The following ERCC8 variants were observed in gnomAD, a reference collection of about 807,000 sequenced individuals.
The protein encoded by ERCC8 is ERCC excision repair 8, CSA ubiquitin ligase complex subunit.
ERCC8 carries 52 observed loss-of-function variants against 54.9 expected under a neutral mutation model. The observed-to-expected ratio is 0.95, with a 90% confidence interval of 0.76 to 1.19. The LOEUF (loss-of-function observed/expected upper bound fraction) is 1.19. Ranked by LOEUF, ERCC8 falls within the 50% of genes most tolerant of loss-of-function variation. The pLI is 0.00. For missense variants in ERCC8, 514 were observed against 466.1 expected (o/e 1.10, Z -0.95); for synonymous variants, 146 against 157.2 (o/e 0.93, Z 0.53).
intron 1 of ERCC8, among the ~76,000 whole-genome samples, chr5:60,930,416 G>A (rs1014913327): frequency 1.3e-5 from 2 of 152,084 alleles, no homozygotes; most frequent in Non-Finnish European, 2.9e-5. Context: ...AATTAGCTGG[G>A]CGTGGTGGCC....
intron 1 of ERCC8, among the ~76,000 whole-genome samples, chr5:60,934,578 T>C (rs1268407596): frequency 6.6e-6 from 1 of 152,186 alleles, no homozygotes; most frequent in African/African-American, 2.4e-5. Context: ...TTAAGACCTA[T>C]CTATTTATCT....
chr5:60,942,994 T>A (rs1370354718), intron 1 of ERCC8, among the ~76,000 whole-genome samples: 1 of 152,144 alleles, frequency 6.6e-6, no homozygotes, highest in East Asian at 1.9e-4. Flanking sequence ...AATTTTAGGC[T>A]GTGTGGTAGC....
chr5:60,897,856 G>A (rs1408788840), intron 9 of ERCC8, among the ~76,000 whole-genome samples: 1 of 152,112 alleles, frequency 6.6e-6, no homozygotes, highest in Non-Finnish European at 1.5e-5. Context: ...GTTCCAATGA[G>A]CACTTCCTTT....
intron 6 of ERCC8, 73 bp from the exon 7 acceptor site, chr5:60,902,581 C>G: frequency 7.6e-7 from 1 of 1,313,156 alleles, no homozygotes; most frequent in Non-Finnish European, 1.1e-6. Context: ...AATAATTTTG[C>G]CTGATTCTGA....
At chr5:60,943,389 T>C (rs751133811) in intron 1 of ERCC8, among the ~76,000 whole-genome samples, 3 of 152,222 alleles carry the variant, frequency 2.0e-5, no homozygotes, top group Non-Finnish European at 4.4e-5. Flanking sequence ...CCGTGAGAAA[T>C]AGCATAAAAG....
intron 11 of ERCC8, among the ~76,000 whole-genome samples, chr5:60,884,535 T>G (rs866652851): frequency 4.5e-4 from 67 of 149,900 alleles, no homozygotes; most frequent in Middle Eastern, 3.4e-3. Flanking sequence ...TTTTTTTTTT[T>G]TTGTTTTCTA....
chr5:60,877,967 C>T (rs941564494), intron 11 of ERCC8, among the ~76,000 whole-genome samples: 3 of 152,286 alleles, frequency 2.0e-5, no homozygotes, highest in African/African-American at 7.2e-5. Flanking sequence ...AAAGGGAATG[C>T]TTCCAGTTTT....
At chr5:60,880,770 T>C (rs1402290303) in intron 11 of ERCC8, among the ~76,000 whole-genome samples, 1 of 151,988 alleles carries the variant, frequency 6.6e-6, no homozygotes, top group Non-Finnish European at 1.5e-5. Context: ...ATTTGTCTAA[T>C]TTTTTTTCAA....
Position 60,890,833 on chromosome 5 carries a change from T to A in ERCC8, c.1041+56A>T, listed in dbSNP as rs1748523023. 1.4e-5 allele frequency: 18 copies of A among 1,245,010 alleles called. No individual in the cohort carries two copies. In the South Asian group the frequency reaches 1.9e-4, roughly 13 times the overall value. 77.1% of individuals were successfully genotyped at this position (1,245,010 alleles called of 1,614,324 possible). On this transcript the variant is annotated intron_variant, in intron 10 of 11. Coordinates refer to ENST00000676185, the MANE Select transcript of ERCC8 (RefSeq NM_000082.4). The stretch of plus-strand genomic sequence containing the variant: ...AAATCATAATTTATTCTTTTACATA[T>A]AACTGGTCTGGCAAGCTAGCTAGCT...
At chr5:60,887,568 C>A in intron 10 of ERCC8, 48 bp from the exon 11 acceptor site, 1 of 1,303,608 alleles carries the variant, frequency 7.7e-7, no homozygotes, top group Non-Finnish European at 1.1e-6. Context: ...GAGCTGATAT[C>A]AAACTGAAAT....
At chr5:60,905,003 G>A (rs1749029636) in intron 4 of ERCC8, 130 bp from the exon 5 acceptor site, 2 of 502,816 alleles carry the variant, frequency 4.0e-6, no homozygotes, top group South Asian at 2.7e-5. Context: ...CTTAAACATA[G>A]GAATGTAATA....
intron 10 of ERCC8, among the ~76,000 whole-genome samples, chr5:60,889,354 C>T (rs1365495531): frequency 2.6e-5 from 4 of 151,920 alleles, no homozygotes; most frequent in African/African-American, 9.7e-5. Context: ...ATTCTGTTGC[C>T]CATGTTGGAG....
chr5:60,937,656 C>T (rs1750107261), intron 1 of ERCC8, among the ~76,000 whole-genome samples: 1 of 152,152 alleles, frequency 6.6e-6, no homozygotes, highest in Admixed American at 6.5e-5. Context: ...CACTGCGCCC[C>T]TACAACAGCT....
At position 60,918,327 on chromosome 5, in the gene ERCC8, C is replaced by T. The variant is rs1344346880; in HGVS notation, c.337G>A (p.Gly113Ser). 1.9e-6 allele frequency: 3 copies of T among 1,595,962 alleles called. No individual in the cohort carries two copies. Among genetic ancestry groups the T allele is most frequent in the South Asian group, 2.2e-5 (2 of 90,724 alleles). The change falls in exon 4 of 12, where the codon GGC (glycine) becomes AGC (serine). Residue 113 changes from glycine to serine, a missense_variant. Coordinates refer to ENST00000676185, the MANE Select transcript of ERCC8 (RefSeq NM_000082.4). ...TCAAATGAGCTTGATGTGAACATGC[C>T]AGTGTCATGAGGATACCACTGTACA... ...ETVQWYPHDT[G>S]MFTSSSFDKT...
In ERCC8 at chr5:60,914,838, G is replaced by A. The variant is rs573514277; in HGVS notation, c.399+3427C>T. ...TATTGACTTTTATTTCAAAATGTTCGTATCTATTGAGATGACTAATATGTA... is the reference window on the plus strand; with the variant it reads ...TATTGACTTTTATTTCAAAATGTTCATATCTATTGAGATGACTAATATGTA... On this transcript the variant is annotated intron_variant, in intron 4 of 11. Transcript: ENST00000676185. Among the ~76,000 whole-genome samples the A allele has an allele frequency of 2.3e-4, 34 of 145,682 alleles. No homozygotes were observed. The South Asian group carries it at 5.3e-3, about 23-fold the overall frequency.
chr5:60,904,429 C>T (rs1378317248), intron 5 of ERCC8, among the ~76,000 whole-genome samples: 1 of 151,182 alleles, frequency 6.6e-6, no homozygotes, highest in Non-Finnish European at 1.5e-5. Context: ...GAAAGAATTT[C>T]CTTGTTTTAT....
Position 60,930,352 on chromosome 5 carries a change from A to T in ERCC8, c.78-1393T>A, listed in dbSNP as rs533385049. Among the ~76,000 whole-genome samples, 68 of 152,228 alleles carry T rather than the reference A, an allele frequency of 4.5e-4. No individual in the cohort carries two copies. In the South Asian group the frequency reaches 6.0e-3, roughly 13 times the overall value. The stretch of plus-strand genomic sequence containing the variant: ...AGGCCGAGGATCACAAGGTTACAAG[A>T]TTGAGACCATTCTGGCCAACATGGT... On this transcript the variant is annotated intron_variant, in intron 1 of 11. Coordinates refer to ENST00000676185, the MANE Select transcript of ERCC8 (RefSeq NM_000082.4).
rs1185314901 is a variant in ERCC8, at chr5:60,902,603, C to T, written c.551-95G>A. 5.4e-6 allele frequency: 5 copies of T among 929,310 alleles called. No homozygotes were observed. The African/African-American group carries it at 6.5e-5, about 12-fold the overall frequency. 57.6% of individuals were successfully genotyped at this position (929,310 alleles called of 1,614,324 possible). A position where few individuals can be genotyped will look rare whatever the true frequency, so the allele number is the denominator to read the frequency against. ...TTGCCTGATTCTGAAGAAAGTGAGG[C>T]CAAATATTCAATGTGAATAGATATG... On this transcript the variant is annotated intron_variant, in intron 6 of 11. Transcript: ENST00000676185.
chr5:60,925,147 T>G (rs1034931756), intron 2 of ERCC8, among the ~76,000 whole-genome samples: 1 of 152,188 alleles, frequency 6.6e-6, no homozygotes, highest in African/African-American at 2.4e-5. Flanking sequence ...CCTTTTAGAA[T>G]GGAGGCTTGA....
Sources: gnomAD v4.1 joint callset for allele counts (sites outside exome capture counted in the v4.1 genomes callset) on GRCh38, gnomAD v4.1.1 for gene constraint, MANE v1.5 for transcripts, NCBI Gene and HGNC (gene_info 2026-07-23, HGNC 2026-07-21) for gene names.